LRBA: variants seen among roughly 807,000 people sequenced by gnomAD.
LRBA encodes LPS responsive beige-like anchor protein, also known as lipopolysaccharide-responsive and beige-like anchor protein.
A neutral mutation model predicts 330.0 loss-of-function variants in LRBA; 176 were observed. The observed-to-expected ratio is 0.53, with a 90% confidence interval of 0.47 to 0.60. LRBA has a LOEUF of 0.60. LRBA is among the 20% of genes least tolerant of loss of function. The pLI, the probability that LRBA is intolerant of heterozygous loss-of-function variation, is 0.00. For missense variants in LRBA, 3,259 were observed against 3,444.8 expected (o/e 0.95, Z 1.35); for synonymous variants, 1,230 against 1,193.0 (o/e 1.03, Z -0.64).
chr4:150,538,143 C>G (rs1232231976), intron 40 of LRBA, among the ~76,000 whole-genome samples: 1 of 152,150 alleles, frequency 6.6e-6, no homozygotes, highest in Non-Finnish European at 1.5e-5. Context: ...ATAACAGGTG[C>G]TGGTGAGGCT....
intron 40 of LRBA, among the ~76,000 whole-genome samples, chr4:150,549,968 C>T (rs539860456): frequency 1.3e-5 from 2 of 152,246 alleles, no homozygotes; most frequent in African/African-American, 4.8e-5. Context: ...TCTCTTAGGC[C>T]ACACCTCTTA....
In LRBA at chr4:150,327,493, C is replaced by T. The variant is rs527898483; in HGVS notation, c.7363-1595G>A. 9.9e-5 allele frequency among the ~76,000 whole-genome samples: 15 copies of T among 152,206 alleles called. No homozygotes were observed. The East Asian group carries it at 1.9e-3, about 20-fold the overall frequency. The stretch of plus-strand genomic sequence containing the variant: ...ACAGTTGCCTTCTGTGGTTCCTGCC[C>T]GGCAGCCCACATGCCTCCCTGATTA... On this transcript the variant is annotated intron_variant, in intron 48 of 56. Coordinates refer to ENST00000651943, the MANE Select transcript of LRBA (RefSeq NM_001364905.1).
intron 17 of LRBA, among the ~76,000 whole-genome samples, chr4:150,883,527 T>C (rs1341802104): frequency 6.6e-6 from 1 of 152,168 alleles, no homozygotes; most frequent in African/African-American, 2.4e-5. Flanking sequence ...ACTGAAATTA[T>C]GTATCAATGT....
At chr4:150,491,057 C>A in intron 40 of LRBA, 22 bp from the exon 41 acceptor site, 1 of 1,226,438 alleles carries the variant, frequency 8.2e-7, no homozygotes, top group Non-Finnish European at 1.2e-6. Flanking sequence ...AAAAATAATC[C>A]CAGGTAAGTA....
chr4:150,482,160 A>G (rs767505146), intron 42 of LRBA, among the ~76,000 whole-genome samples: 5 of 152,076 alleles, frequency 3.3e-5, no homozygotes, highest in South Asian at 2.1e-4. Flanking sequence ...ATGATCCCCA[A>G]AAGTTCCTTT....
intron 2 of LRBA, among the ~76,000 whole-genome samples, chr4:150,996,069 CAA>C (rs34323309): frequency 0.023 from 2,892 of 125,190 alleles, 46 homozygotes; most frequent in African/African-American, 0.048. Flanking sequence ...CAACAACAAC[CAA>C]AAAAAAAAAA....
intron 56 of LRBA, 54 bp downstream of exon 56, chr4:150,277,799 G>C: frequency 6.4e-7 from 1 of 1,560,622 alleles, no homozygotes; most frequent in Non-Finnish European, 8.8e-7. Context: ...AACACGACCA[G>C]TCCCCTCTGC....
At chr4:150,966,577 C>T (rs1381100527) in intron 2 of LRBA, among the ~76,000 whole-genome samples, 9 of 150,478 alleles carry the variant, frequency 6.0e-5, no homozygotes, top group African/African-American at 2.0e-4. Flanking sequence ...CCGCCCGCTT[C>T]GGCCTCCCAG....
rs753518345 is a variant in LRBA, at chr4:150,844,766, T to G, written c.4353A>C (p.Ala1451=). The change falls in exon 27 of 57, where the codon GCA becomes GCC. Residue 1451 remains alanine, a synonymous_variant. Transcript: ENST00000651943. ...RQCLRLVCAV[A]VRNCLECQQH... is the part of the protein sequence containing the mutation. The stretch of plus-strand genomic sequence containing the variant: ...GTTGACACTCCAAGCAATTCCTTAC[T>G]GCGACTGCACAAACTGTAATTTATT... 6.2e-7 allele frequency: 1 copy of G among 1,612,584 alleles called. No homozygotes were observed. Among genetic ancestry groups the G allele is most frequent in the Non-Finnish European group, 8.5e-7 (1 of 1,179,102 alleles).
At chr4:150,985,389 T>G (rs1274839528) in intron 2 of LRBA, among the ~76,000 whole-genome samples, 1 of 151,948 alleles carries the variant, frequency 6.6e-6, no homozygotes, top group African/African-American at 2.4e-5. Flanking sequence ...TTATGTTAGT[T>G]CAGTCTATGT....
At chr4:150,811,480 T>A (rs533731955) in intron 31 of LRBA, among the ~76,000 whole-genome samples, 135 of 151,712 alleles carry the variant, frequency 8.9e-4, no homozygotes, top group Admixed American at 2.2e-3. Flanking sequence ...TAGTCTTTAC[T>A]GTGTTAACTG....
At chr4:150,289,993 GTAGT>G (rs1489458844) in intron 53 of LRBA, among the ~76,000 whole-genome samples, 1 of 152,134 alleles carries the variant, frequency 6.6e-6, no homozygotes, top group African/African-American at 2.4e-5. Context: ...TTATGTCTCT[GTAGT>G]TACACTGTAT....
rs551720881 is a variant in LRBA, at chr4:150,722,784, A to G, written c.5754+12474T>C. Among the ~76,000 whole-genome samples the G allele has an allele frequency of 9.2e-5, 14 of 152,042 alleles. No individual in the cohort carries two copies. In the East Asian group the frequency reaches 2.5e-3, roughly 27 times the overall value. On this transcript the variant is annotated intron_variant, in intron 36 of 56. Transcript: ENST00000651943. ...GATCACAGTACTTGTTTTTAACTTCATATCATGGAAAGAGGCATTGAGGGG... is the reference window on the plus strand; with the variant it reads ...GATCACAGTACTTGTTTTTAACTTCGTATCATGGAAAGAGGCATTGAGGGG...
intron 40 of LRBA, among the ~76,000 whole-genome samples, chr4:150,567,843 A>T (rs1038062219): frequency 2.0e-5 from 3 of 152,192 alleles, no homozygotes; most frequent in African/African-American, 7.2e-5. Context: ...TGTACTATTT[A>T]CCTAGGCATG....
At chr4:150,335,464 T>TATATATATATACAC (rs1734559633) in intron 48 of LRBA, among the ~76,000 whole-genome samples, 1 of 133,868 alleles carries the variant, frequency 7.5e-6, no homozygotes, top group Non-Finnish European at 1.6e-5. Flanking sequence ...TGTATATATG[T>TATATATATATACAC]GTATATATAT....
rs1435382075 is a variant in LRBA, at chr4:150,930,906, C to T, written c.217-1841G>A. On this transcript the variant is annotated intron_variant, in intron 2 of 56. Coordinates refer to ENST00000651943, the MANE Select transcript of LRBA (RefSeq NM_001364905.1). ...GAGTCAATTCTCCTAGTTACATGGC[C>T]GTAGCTAAAAAGTATACGTGCTTGG... Among the ~76,000 whole-genome samples the T allele has an allele frequency of 2.0e-5, 3 of 152,236 alleles. No individual in the cohort carries two copies. In the East Asian group the frequency reaches 5.8e-4, roughly 29 times the overall value.
At chr4:150,709,835 G>A (rs994960956) in intron 36 of LRBA, among the ~76,000 whole-genome samples, 1 of 152,006 alleles carries the variant, frequency 6.6e-6, no homozygotes, top group Non-Finnish European at 1.5e-5. Context: ...TAAAGGATGA[G>A]AGGCAGAGAA....
At chr4:150,990,501 G>T (rs567927628) in intron 2 of LRBA, among the ~76,000 whole-genome samples, 1 of 152,202 alleles carries the variant, frequency 6.6e-6, no homozygotes, top group South Asian at 2.1e-4. Context: ...ACCAAAGTGG[G>T]AGAACTGCTT....
chr4:150,548,065 T>A (rs1239878613), intron 40 of LRBA, among the ~76,000 whole-genome samples: 1 of 152,190 alleles, frequency 6.6e-6, no homozygotes, highest in East Asian at 1.9e-4. Context: ...AAGAATATGC[T>A]TTAATCAATT....
Sources: allele counts gnomAD v4.1 joint callset (sites outside exome capture counted in the v4.1 genomes callset), GRCh38; gene constraint gnomAD v4.1.1; transcripts MANE v1.5; gene names NCBI Gene and HGNC (gene_info 2026-07-23, HGNC 2026-07-21).